Variants in EYS observed in about 807,000 individuals in gnomAD.
EYS encodes the protein protein eyes shut homolog.
A neutral mutation model predicts 282.1 loss-of-function variants in EYS; 250 were observed. The ratio of observed to expected loss-of-function variants is 0.89; its 90% CI spans 0.80 to 0.98. The LOEUF (loss-of-function observed/expected upper bound fraction) is 0.98, where lower values mean the gene tolerates loss of function less well. Among genes scored for constraint, EYS ranks in the 50% least tolerant of loss-of-function variants. The pLI is 0.00. For missense variants in EYS, 4,016 were observed against 3,709.0 expected, an observed-to-expected ratio of 1.08 and a Z score of -2.15; for synonymous variants, 1,355 against 1,282.9, an observed-to-expected ratio of 1.06 and a Z score of -1.20.
At chr6:64,107,295 A>ATATATATATATATATT (rs1562204712) in intron 31 of EYS, among the ~76,000 whole-genome samples, 1 of 124,454 alleles carries the variant, frequency 8.0e-6, no homozygotes, top group East Asian at 2.3e-4. Flanking sequence ...TTATATATAT[A>ATATATATATATATATT]TATATATATA....
intron 2 of EYS, among the ~76,000 whole-genome samples, chr6:65,638,316 C>A (rs769624110): frequency 2.0e-5 from 3 of 152,238 alleles, no homozygotes; most frequent in Middle Eastern, 3.4e-3. Context: ...TGTCCGCATA[C>A]CTCATTTTTT....
At chr6:64,428,259 A>G (rs761828167) in intron 28 of EYS, among the ~76,000 whole-genome samples, 3 of 152,092 alleles carry the variant, frequency 2.0e-5, no homozygotes, top group Non-Finnish European at 4.4e-5. Context: ...TTTTTTAGCA[A>G]GAATATTTTT....
At chr6:63,782,493 C>A (rs1300491645) in intron 39 of EYS, among the ~76,000 whole-genome samples, 1 of 152,112 alleles carries the variant, frequency 6.6e-6, no homozygotes, top group Non-Finnish European at 1.5e-5. Context: ...ATATATGTGT[C>A]CAGGAATTTA....
chr6:65,353,599 A>G lies in EYS; in HGVS notation c.1318T>C (p.Cys440Arg). 6.2e-7 allele frequency: 1 copy of G among 1,612,938 alleles called. No homozygotes were observed. The highest frequency in any genetic ancestry group is 8.5e-7 in the Non-Finnish European group (1 of 1,179,214). ...AAAAACCAACATGGATTTTTTGTGC[A>G]CCCTGGAATGCATACATACTGCAAA... is the stretch of plus-strand genomic sequence containing the variant. The part of the protein sequence containing the change: ...GRFKYVCIPG[C>R]TKNPCWFLKN... The change falls in exon 9 of 43, where the codon TGC becomes CGC. Residue 440 changes from cysteine (C) to arginine (R), a missense_variant. By Grantham distance (180) the Cys-to-Arg change is radical (BLOSUM62 -3). Transcript: ENST00000503581.
Position 64,339,681 on chromosome 6 carries a change from C to T in EYS, c.6079-32599G>A, listed in dbSNP as rs138297579. On this transcript the variant is annotated intron_variant, in intron 29 of 42. Coordinates refer to ENST00000503581, the MANE Select transcript of EYS (RefSeq NM_001142800.2). ...TATACAAAAGATATACTTGCACACG[C>T]GTGTTTACTGCAGCACAATTGGATG... Among the ~76,000 whole-genome samples the T allele has an allele frequency of 2.0e-4, 30 of 151,768 alleles. No individual in the cohort carries two copies. In the East Asian group the frequency reaches 2.9e-3, roughly 15 times the overall value.
chr6:64,578,387 C>G (rs1765949453), intron 26 of EYS, among the ~76,000 whole-genome samples: 1 of 152,078 alleles, frequency 6.6e-6, no homozygotes, highest in Admixed American at 6.6e-5. Context: ...TACATTAACA[C>G]AGTACTGGCT....
rs112464110 is a variant in EYS at position 64,912,625 on chromosome 6, C to T, written c.2500G>A (p.Val834Ile). 655 of 1,551,080 alleles carry T rather than the reference C, an allele frequency of 4.2e-4. 2 individuals carry two copies. The African/African-American group carries it at 7.4e-3, about 18-fold the overall frequency. Residue 834 changes from valine (V) to isoleucine (I), a missense_variant, in exon 16 of 43, where the codon GTA (valine) becomes ATA (isoleucine). By Grantham distance (29) the Val-to-Ile change is conservative. Transcript: ENST00000503581. Reference protein sequence around the residue: ...CHESTIPGQFVCLCPPLYTGQ... With the variant: ...CHESTIPGQFICLCPPLYTGQ... ...GTATAAAGGGGTGGGCACAGACATA[C>T]AAATTGTCCAGGGATGGTAGATTCA...
intron 2 of EYS, among the ~76,000 whole-genome samples, chr6:65,611,977 T>C (rs1766017433): frequency 6.6e-6 from 1 of 151,974 alleles, no homozygotes; most frequent in Non-Finnish European, 1.5e-5. Flanking sequence ...TATCTAGTAA[T>C]ATAGAAAACA....
chr6:64,491,681 A>G (rs1235733445), intron 26 of EYS, among the ~76,000 whole-genome samples: 1 of 151,050 alleles, frequency 6.6e-6, no homozygotes, highest in East Asian at 1.9e-4. Context: ...TGAGGCACAG[A>G]GAGTGCTAAA....
At chr6:64,836,399 CA>C (rs1401127329) in intron 19 of EYS, among the ~76,000 whole-genome samples, 1 of 150,976 alleles carries the variant, frequency 6.6e-6, no homozygotes, top group East Asian at 1.9e-4. Context: ...AACATTTCAC[CA>C]ATAAAAATAA....
Position 64,144,509 on chromosome 6 carries a change from C to A in EYS, c.6425-62507G>T, listed in dbSNP as rs912404969. Among the ~76,000 whole-genome samples the A allele has an allele frequency of 3.9e-5, 6 of 152,238 alleles. No homozygotes were observed. The East Asian group carries it at 7.7e-4, about 20-fold the overall frequency. ...CCCAGAGTGTGCTTGGAGGCAGGCA[C>A]CCTAATCCTAACATGCTAACTTAGG... On this transcript the variant is annotated intron_variant, in intron 31 of 42. Coordinates refer to ENST00000503581, the MANE Select transcript of EYS (RefSeq NM_001142800.2).
intron 35 of EYS, among the ~76,000 whole-genome samples, chr6:63,963,237 A>C (rs1766160313): frequency 6.6e-6 from 1 of 152,130 alleles, no homozygotes; most frequent in African/African-American, 2.4e-5. Flanking sequence ...ACTAGCCTGC[A>C]CATTGTGCAC....
intron 5 of EYS, among the ~76,000 whole-genome samples, chr6:65,441,241 T>A (rs1393543300): frequency 6.6e-6 from 1 of 151,684 alleles, no homozygotes; most frequent in Non-Finnish European, 1.5e-5. Flanking sequence ...TCATTGCACA[T>A]TATGTCTCTT....
At chr6:63,902,706 A>C (rs1773686010) in intron 35 of EYS, among the ~76,000 whole-genome samples, 1 of 152,206 alleles carries the variant, frequency 6.6e-6, no homozygotes, top group Non-Finnish European at 1.5e-5. Flanking sequence ...TCCCTAAAAA[A>C]CACTAAGAAA....
At chr6:65,397,424 A>C (rs1278001823) in intron 7 of EYS, among the ~76,000 whole-genome samples, 5 of 151,854 alleles carry the variant, frequency 3.3e-5, no homozygotes, top group African/African-American at 4.8e-5. Flanking sequence ...CCTGTATGTC[A>C]ATGTGTACCC....
chr6:64,628,729 A>G (rs1373120161), intron 22 of EYS, among the ~76,000 whole-genome samples: 1 of 152,208 alleles, frequency 6.6e-6, no homozygotes, highest in Non-Finnish European at 1.5e-5. Context: ...GAACAATATT[A>G]ACATTTATTT....
intron 22 of EYS, among the ~76,000 whole-genome samples, chr6:64,749,883 T>C (rs1413125629): frequency 6.6e-6 from 1 of 152,124 alleles, no homozygotes; most frequent in Non-Finnish European, 1.5e-5. Context: ...TAGTACGTAA[T>C]ATATAATAGC....
chr6:63,995,023 T>C (rs1213912340), intron 34 of EYS, among the ~76,000 whole-genome samples: 1 of 151,832 alleles, frequency 6.6e-6, no homozygotes, highest in Non-Finnish European at 1.5e-5. Context: ...AATAGACAAG[T>C]GGGACCTATG....
intron 1 of EYS, among the ~76,000 whole-genome samples, chr6:65,641,844 A>C (rs1459259668): frequency 6.6e-6 from 1 of 151,956 alleles, no homozygotes. Context: ...GACTTCTTTA[A>C]GTTAAAAAGC....
Sources: allele counts gnomAD v4.1 joint callset (sites outside exome capture counted in the v4.1 genomes callset), GRCh38; gene constraint gnomAD v4.1.1; transcripts MANE v1.5; gene names NCBI Gene and HGNC (gene_info 2026-07-23, HGNC 2026-07-21).